The following GRIK2 variants were observed in gnomAD, a reference collection of about 807,000 sequenced individuals.
GRIK2 encodes the protein glutamate ionotropic receptor kainate type subunit 2, also known as glutamate receptor ionotropic, kainate 2.
In GRIK2, 32 loss-of-function variants were observed where a neutral mutation model predicts 100.3. That is an observed-to-expected ratio of 0.32 (90% CI 0.24 to 0.43). The LOEUF (loss-of-function observed/expected upper bound fraction) is 0.43, where lower values mean the gene tolerates loss of function less well. Ranked by LOEUF, GRIK2 falls within the 20% of genes least tolerant of loss-of-function variation. The probability of loss-of-function intolerance (pLI) is 1.00; values close to 1 mark genes in which losing one functional copy is unlikely to be tolerated. For synonymous variants in GRIK2, 417 were observed against 389.4 expected, an observed-to-expected ratio of 1.07 and a Z score of -0.83; for missense variants, 843 against 1,114.9, an observed-to-expected ratio of 0.76 and a Z score of 3.47.
chr6:101,585,979 A>T (rs1778336954), intron 2 of GRIK2, among the ~76,000 whole-genome samples: 3 of 152,090 alleles, frequency 2.0e-5, no homozygotes, highest in South Asian at 4.1e-4. Context: ...CTATTATTAA[A>T]ATATAAAATT....
rs545935115 is a variant in GRIK2 at position 101,949,296 on chromosome 6, A to G, written c.2085+20664A>G. Among the ~76,000 whole-genome samples the G allele has an allele frequency of 3.9e-5, 6 of 152,178 alleles. 2 individuals are homozygous for G. Among genetic ancestry groups the G allele is most frequent in the African/African-American group, 1.4e-4 (6 of 41,540 alleles). On this transcript the variant is annotated intron_variant, in intron 14 of 16. Coordinates refer to ENST00000369134, the MANE Select transcript of GRIK2 (RefSeq NM_021956.5). ...TGTTAAATGCCTAGATTTGATTATA[A>G]TAGAAATTTATCAAATTCTTTTAAT...
chr6:101,679,379 C>A (rs1159700613), intron 5 of GRIK2, among the ~76,000 whole-genome samples: 3 of 152,074 alleles, frequency 2.0e-5, no homozygotes, highest in Non-Finnish European at 4.4e-5. Context: ...TAGCACTACA[C>A]CAGCTTAATG....
At chr6:101,400,073 T>A (rs958326608) in intron 2 of GRIK2, among the ~76,000 whole-genome samples, 1 of 152,210 alleles carries the variant, frequency 6.6e-6, no homozygotes, top group African/African-American at 2.4e-5. Flanking sequence ...TGTTTTTAAC[T>A]TGCTGAGTCC....
At chr6:101,778,533 A>G (rs1778886766) in intron 7 of GRIK2, among the ~76,000 whole-genome samples, 1 of 152,232 alleles carries the variant, frequency 6.6e-6, no homozygotes, top group South Asian at 2.1e-4. Flanking sequence ...TTGGTACAAC[A>G]GACAGAATAA....
At chr6:101,647,043 A>G (rs1260435674) in intron 4 of GRIK2, among the ~76,000 whole-genome samples, 1 of 151,954 alleles carries the variant, frequency 6.6e-6, no homozygotes, top group East Asian at 1.9e-4. Flanking sequence ...AACTCTGTTT[A>G]GTCTCCCTAT....
At chr6:101,929,660 G>A (rs1485841719) in intron 14 of GRIK2, among the ~76,000 whole-genome samples, 1 of 152,042 alleles carries the variant, frequency 6.6e-6, no homozygotes. Flanking sequence ...TTGGTTTTAT[G>A]TGACTTAAGT....
intron 7 of GRIK2, among the ~76,000 whole-genome samples, chr6:101,783,397 G>C (rs1267939228): frequency 3.9e-5 from 6 of 151,990 alleles, no homozygotes; most frequent in Admixed American, 2.0e-4. Context: ...AGTTTCCTGA[G>C]GCCTCTCCAG....
At chr6:101,492,492 A>G (rs1357349385) in intron 2 of GRIK2, among the ~76,000 whole-genome samples, 1 of 151,938 alleles carries the variant, frequency 6.6e-6, no homozygotes, top group Non-Finnish European at 1.5e-5. Context: ...AAAAAATTCT[A>G]TGAGTTATAA....
At chr6:101,642,168 T>C (rs1357652840) in intron 4 of GRIK2, among the ~76,000 whole-genome samples, 1 of 151,866 alleles carries the variant, frequency 6.6e-6, no homozygotes, top group Non-Finnish European at 1.5e-5. Context: ...GTAGAGACAC[T>C]TAAACATTTG....
chr6:101,825,780 G>T (rs1782285574), intron 10 of GRIK2, among the ~76,000 whole-genome samples: 1 of 151,996 alleles, frequency 6.6e-6, no homozygotes, highest in Non-Finnish European at 1.5e-5. Context: ...ATTCAGCTCA[G>T]CCACTAGCAA....
At chr6:101,914,011 T>C (rs1369498257) in intron 12 of GRIK2, among the ~76,000 whole-genome samples, 1 of 151,274 alleles carries the variant, frequency 6.6e-6, no homozygotes, top group African/African-American at 2.4e-5. Flanking sequence ...TAGTCATAAA[T>C]AGAAAAGACA....
intron 10 of GRIK2, among the ~76,000 whole-genome samples, chr6:101,827,003 A>G (rs551664548): frequency 5.3e-5 from 8 of 152,032 alleles, no homozygotes; most frequent in Non-Finnish European, 1.2e-4. Context: ...GTAAGTAAAT[A>G]TTACTTTTCA....
chr6:101,686,316 C>T lies in GRIK2; in HGVS notation c.914C>T (p.Pro305Leu), dbSNP rs188883833. 32 of 1,613,444 alleles carry T rather than the reference C, an allele frequency of 2.0e-5. No individual in the cohort carries two copies. The highest frequency in any genetic ancestry group is 5.0e-5 in the Admixed American group (3 of 59,968). Residue 305 changes from proline (P) to leucine (L), a missense_variant, in exon 7 of 17, where the codon CCG (proline) becomes CTG (leucine). By Grantham distance (98) the Pro-to-Leu change is moderately conservative (BLOSUM62 -3). Coordinates refer to ENST00000369134, the MANE Select transcript of GRIK2 (RefSeq NM_021956.5). ...KWSMERLQAP[P>L]KPDSGLLDGF... ...TCGATGGAACGATTGCAGGCACCTC[C>T]GAAACCCGATTCAGGTTTGCTGGAT...
At chr6:101,945,992 T>C (rs1303217169) in intron 14 of GRIK2, among the ~76,000 whole-genome samples, 1 of 151,040 alleles carries the variant, frequency 6.6e-6, no homozygotes, top group African/African-American at 2.4e-5. Flanking sequence ...TTAATCATAA[T>C]CTTTAATCAT....
Position 101,688,204 on chromosome 6 carries a change from C to T in GRIK2, c.951+1851C>T, listed in dbSNP as rs542431387. ...GTCTTATTATTTATTTTCAATAGCA[C>T]TATTAAATGGTTTTAAGAAAAGTAA... On this transcript the variant is annotated intron_variant, in intron 7 of 16. Coordinates refer to ENST00000369134, the MANE Select transcript of GRIK2 (RefSeq NM_021956.5). 2.5e-3 allele frequency among the ~76,000 whole-genome samples: 380 copies of T among 150,552 alleles called. 6 individuals carry two copies. Among genetic ancestry groups the T allele is most frequent in the African/African-American group, 8.9e-3 (368 of 41,260 alleles).
Position 101,924,704 on chromosome 6 carries a change from G to T in GRIK2, c.1852G>T (p.Ala618Ser). ...LLNSFWFGVGALMQQGSELMP... is the reference protein window; with the variant it reads ...LLNSFWFGVGSLMQQGSELMP... ...AAATAGTTTCTGGTTTGGAGTTGGA[G>T]CTCTCATGCAGCAAGGTATACGATT... The change falls in exon 13 of 17, where the codon GCT becomes TCT. Residue 618 changes from alanine (A) to serine (S), a missense_variant. Around this residue, in one of 3 missense-constraint regions of GRIK2, gnomAD observed 237 missense variants for 388.0 expected, o/e 0.61. Coordinates refer to ENST00000369134, the MANE Select transcript of GRIK2 (RefSeq NM_021956.5). 1 of 1,595,878 alleles carries T rather than the reference G, an allele frequency of 6.3e-7. No homozygotes were observed. Among genetic ancestry groups the T allele is most frequent in the Non-Finnish European group, 8.6e-7 (1 of 1,163,314 alleles).
At position 101,909,383 on chromosome 6, in the gene GRIK2, T is replaced by TGTTTTTTTTTTTTTG. The variant is rs1562480979; in HGVS notation, c.1749-15218_1749-15217insGTTTTTTTTTTTTTG. 2.5e-4 allele frequency among the ~76,000 whole-genome samples: 33 copies of TGTTTTTTTTTTTTTG among 133,168 alleles called. 1 individual carries two copies. Among genetic ancestry groups the TGTTTTTTTTTTTTTG allele is most frequent in the African/African-American group, 9.9e-4 (33 of 33,490 alleles). The allele number at this position is 133,168 out of a possible 152,430, so 87.4% of individuals were successfully genotyped here. On this transcript the variant is annotated intron_variant, in intron 12 of 16. Coordinates refer to ENST00000369134, the MANE Select transcript of GRIK2 (RefSeq NM_021956.5). ...GAAGGAAGATAGGGTTTTCTTTTTC[T>TGTTTTTTTTTTTTTG]TTTTTTTTTTTTTAAAGATCATTTG...
intron 7 of GRIK2, among the ~76,000 whole-genome samples, chr6:101,734,763 G>A (rs1313663718): frequency 6.6e-6 from 1 of 152,152 alleles, no homozygotes; most frequent in Non-Finnish European, 1.5e-5. Flanking sequence ...TTTTAAGGAG[G>A]TAAATAAGGT....
At chr6:101,410,051 C>T (rs114162229) in intron 2 of GRIK2, among the ~76,000 whole-genome samples, 2,170 of 151,994 alleles carry the variant, frequency 0.014, 52 homozygotes, top group African/African-American at 0.05. Context: ...CTTTTTCTTC[C>T]TTAAACATCA....
Sources: allele counts gnomAD v4.1 joint callset (sites outside exome capture counted in the v4.1 genomes callset), GRCh38; gene constraint gnomAD v4.1.1; regional missense constraint gnomAD v4.1.1; transcripts MANE v1.5; gene names NCBI Gene and HGNC (gene_info 2026-07-23, HGNC 2026-07-21).